The following ATG2B variants were observed in gnomAD, a reference collection of about 807,000 sequenced individuals.
ATG2B encodes the protein autophagy-related protein 2 homolog B.
Under a neutral mutation model 241.3 loss-of-function variants are expected in ATG2B, and 121 were observed. The observed-to-expected ratio is 0.50, with a 90% CI of 0.43 to 0.58. The LOEUF (loss-of-function observed/expected upper bound fraction) is 0.58. Ranked by LOEUF, ATG2B falls within the 20% of genes least tolerant of loss-of-function variation. ATG2B has a pLI of 0.00. For synonymous variants in ATG2B, 858 were observed against 876.6 expected (o/e 0.98, Z 0.37); for missense variants, 2,306 against 2,491.6 (o/e 0.93, Z 1.59).
Position 96,285,947 on chromosome 14 carries a change from C to G in ATG2B, c.6045G>C (p.Ala2015=), listed in dbSNP as rs199700811. 1 of 1,613,884 alleles carries G rather than the reference C, an allele frequency of 6.2e-7. No individual in the cohort carries two copies. The highest frequency in any genetic ancestry group is 1.3e-5 in the African/African-American group (1 of 75,022). Residue 2015 remains alanine, a synonymous_variant, in exon 42 of 42, where the codon GCG becomes GCC. Transcript: ENST00000359933. The surrounding 1 kb of genome is among the most constrained non-coding windows in gnomAD (Gnocchi z 4.2). Reference sequence around the variant, plus strand: ...CCCCTCTGCTCTCGTGTTCTCGAGCCGCAGTTTCATAAATGGTCTGAGCCG... The same window carrying G: ...CCCCTCTGCTCTCGTGTTCTCGAGCGGCAGTTTCATAAATGGTCTGAGCCG... ...TDTAQTIYET[A]AREHESRGVT...
chr14:96,353,046 C>T (rs1449483510), intron 1 of ATG2B, among the ~76,000 whole-genome samples: 1 of 151,966 alleles, frequency 6.6e-6, no homozygotes, highest in Admixed American at 6.6e-5. Context: ...TTTGTACATA[C>T]CTTTTCTATG....
rs1339125187 is a variant in ATG2B, at chr14:96,306,832, T to A, written c.4388A>T (p.Gln1463Leu). 4 of 1,614,176 alleles carry A rather than the reference T, an allele frequency of 2.5e-6. No homozygotes were observed. In the Admixed American group the frequency reaches 6.7e-5, roughly 27 times the overall value. The change falls in exon 30 of 42, where the codon CAG (glutamine) becomes CTG (leucine). Residue 1463 changes from glutamine to leucine, a missense_variant. Gln to Leu is a moderately radical substitution (Grantham distance 113). Coordinates refer to ENST00000359933, the MANE Select transcript of ATG2B (RefSeq NM_018036.7). Reference sequence around the variant, plus strand: ...TGAGGCATAGGTGGGGCCGGACTCCTGGGATACATTCCCACTCTCGTCAGG... The same window carrying A: ...TGAGGCATAGGTGGGGCCGGACTCCAGGGATACATTCCCACTCTCGTCAGG... ...LFPDESGNVSQESGPTYASFS... is the reference protein window; with the variant it reads ...LFPDESGNVSLESGPTYASFS...
Position 96,328,747 on chromosome 14 carries a change from T to C in ATG2B, c.1901A>G (p.Lys634Arg), listed in dbSNP as rs898575583. ...HYTELLTFHS[K>R]EETGSHSPVC... Reference sequence around the variant, plus strand: ...AGGGGAATGGGAACCAGTTTCTTCTTTGGAATGGAACGTTAAAAGCTTAAA... The same window carrying C: ...AGGGGAATGGGAACCAGTTTCTTCTCTGGAATGGAACGTTAAAAGCTTAAA... The change falls in exon 13 of 42, where the codon AAA becomes AGA. Residue 634 changes from lysine (K) to arginine (R), a missense_variant. Lys to Arg is a conservative substitution (Grantham distance 26, BLOSUM62 2). Transcript: ENST00000359933. 2.9e-5 allele frequency: 46 copies of C among 1,611,120 alleles called. No individual in the cohort carries two copies. The highest frequency in any genetic ancestry group is 3.9e-5 in the Non-Finnish European group (46 of 1,178,700).
At chr14:96,351,227 T>A (rs578017495) in intron 1 of ATG2B, among the ~76,000 whole-genome samples, 98 of 152,330 alleles carry the variant, frequency 6.4e-4, no homozygotes, top group African/African-American at 2.4e-3. Flanking sequence ...TATAAGTATA[T>A]TCACCTATGG....
Position 96,280,036 on chromosome 14 carries a change from G to A in ATG2B, c.*5719C>T, listed in dbSNP as rs1886156433. ...TGTGGCCTGTGGTGCAGCATTTATAGAAAGAAATCTTCCAGGTGGTGCTAA... is the reference window on the plus strand; with the variant it reads ...TGTGGCCTGTGGTGCAGCATTTATAAAAAGAAATCTTCCAGGTGGTGCTAA... On this transcript the variant is annotated 3_prime_UTR_variant, in exon 42 of 42. Transcript: ENST00000359933. 6.6e-6 allele frequency: 1 copy of A among 152,260 alleles called. No homozygotes were observed. The highest frequency in any genetic ancestry group is 2.4e-5 in the African/African-American group (1 of 41,440). The allele number at this position is 152,260 out of a possible 1,614,324, so 9.4% of individuals were successfully genotyped here.
chr14:96,304,999 C>T (rs747868168), intron 31 of ATG2B, among the ~76,000 whole-genome samples: 27 of 152,102 alleles, frequency 1.8e-4, no homozygotes, highest in African/African-American at 2.7e-4. Flanking sequence ...TAAAGTTGGA[C>T]GTGTTTTAAA....
intron 23 of ATG2B, 28 bp from the exon 24 acceptor site, chr14:96,313,463 T>C (rs1021041559): frequency 5.5e-6 from 7 of 1,278,562 alleles, no homozygotes; most frequent in Non-Finnish European, 7.6e-6. Context: ...TAAAACGCCC[T>C]GCTTTAGAAG....
At chr14:96,300,132 A>G (rs1167424209) in intron 34 of ATG2B, among the ~76,000 whole-genome samples, 1 of 152,160 alleles carries the variant, frequency 6.6e-6, no homozygotes, top group Non-Finnish European at 1.5e-5. Flanking sequence ...TATTTCCCTG[A>G]TGGTTCTAAG....
chr14:96,317,161 A>T lies in ATG2B; in HGVS notation c.3194T>A (p.Val1065Glu). ...AAACCTCACCTTCACATCTGTGAACACTGCTATTAATCCATGATTAATATT... is the reference window on the plus strand; with the variant it reads ...AAACCTCACCTTCACATCTGTGAACTCTGCTATTAATCCATGATTAATATT... ...LLNINHGLIAVFTDVKQDNGD... is the reference protein window; with the variant it reads ...LLNINHGLIAEFTDVKQDNGD... The change falls in exon 20 of 42, where the codon GTG becomes GAG. Residue 1065 changes from valine to glutamate, a missense_variant. By Grantham distance (121) the Val-to-Glu change is moderately radical. Transcript: ENST00000359933. The T allele has an allele frequency of 6.2e-7, 1 of 1,611,386 alleles. No homozygotes were observed. Among genetic ancestry groups the T allele is most frequent in the Non-Finnish European group, 8.5e-7 (1 of 1,178,870 alleles).
chr14:96,289,341 G>A lies in ATG2B; in HGVS notation c.6006+315C>T, dbSNP rs1278816351. The A allele has an allele frequency of 1.5e-5, 3 of 204,424 alleles. No individual in the cohort carries two copies. The highest frequency in any genetic ancestry group is 2.3e-5 in the African/African-American group (1 of 43,362). 12.7% of individuals were successfully genotyped at this position (204,424 alleles called of 1,614,324 possible). A position where few individuals can be genotyped will look rare whatever the true frequency, so the allele number is the denominator to read the frequency against. ...TTCTTAAGCAAATCTGAGGTAAGCAGGGCAGAGTATAAATGTGTTAAACCT... is the reference window on the plus strand; with the variant it reads ...TTCTTAAGCAAATCTGAGGTAAGCAAGGCAGAGTATAAATGTGTTAAACCT... On this transcript the variant is annotated intron_variant, in intron 41 of 41. Transcript: ENST00000359933. The surrounding 1 kb of genome is among the most constrained non-coding windows in gnomAD (Gnocchi z 4.3).
chr14:96,306,817 GT>G lies in ATG2B; in HGVS notation c.4402del (p.Thr1468ProfsTer14). 1 of 1,614,086 alleles carries G rather than the reference GT, an allele frequency of 6.2e-7. No homozygotes were observed. Among genetic ancestry groups the G allele is most frequent in the Non-Finnish European group, 8.5e-7 (1 of 1,180,010 alleles). On this transcript the variant is annotated frameshift_variant, in exon 30 of 42. Transcript: ENST00000359933. LOFTEE classifies it high-confidence loss of function. ...GAAATGGTGAGAGAATGAGGCATAG[GT>G]GGGGCCGGACTCCTGGGATACATTC... ...SGNVSQESGP[T>X]YASFSHHFIS...
chr14:96,353,701 G>T (rs1888396822), intron 1 of ATG2B, among the ~76,000 whole-genome samples: 1 of 151,042 alleles, frequency 6.6e-6, no homozygotes, highest in African/African-American at 2.4e-5. Flanking sequence ...GAAAATATTT[G>T]CTTAATGCAA....
At chr14:96,345,646 A>G (rs565513073) in intron 2 of ATG2B, among the ~76,000 whole-genome samples, 7 of 152,280 alleles carry the variant, frequency 4.6e-5, no homozygotes, top group Admixed American at 2.0e-4. Context: ...CCAAATATCA[A>G]TTCATGTATT....
intron 6 of ATG2B, among the ~76,000 whole-genome samples, chr14:96,336,088 G>T (rs982800467): frequency 1.3e-5 from 2 of 150,828 alleles, no homozygotes; most frequent in Non-Finnish European, 2.9e-5. Context: ...TAAAAACATA[G>T]GCTAAAACTG....
chr14:96,290,509 C>T lies in ATG2B; in HGVS notation c.5783G>A (p.Gly1928Asp). 6.2e-7 allele frequency: 1 copy of T among 1,614,198 alleles called. No individual in the cohort carries two copies. Among genetic ancestry groups the T allele is most frequent in the Non-Finnish European group, 8.5e-7 (1 of 1,180,038 alleles). The change falls in exon 40 of 42, where the codon GGC (glycine) becomes GAC (aspartate). Residue 1928 changes from glycine to aspartate, a missense_variant. This residue lies in a region of ATG2B where 379 missense variants were observed against 480.4 expected (regional missense o/e 0.79). Transcript: ENST00000359933. This position sits in a 1 kb window ranked among gnomAD's most constrained non-coding sequence, Gnocchi z 4.4. Reference sequence around the variant, plus strand: ...TGTCGAGGTACCAAAGGAAGCAGCGCCTCTCTGAAACCCTCTGACAATGCG... The same window carrying T: ...TGTCGAGGTACCAAAGGAAGCAGCGTCTCTCTGAAACCCTCTGACAATGCG... ...DGRIVRGFQR[G>D]AASFGTSTAM...
Position 96,285,498 on chromosome 14 carries a change from G to T in ATG2B, c.*257C>A. On this transcript the variant is annotated 3_prime_UTR_variant, in exon 42 of 42. Transcript: ENST00000359933. This position sits in a 1 kb window ranked among gnomAD's most constrained non-coding sequence, Gnocchi z 4.2. Reference sequence around the variant, plus strand: ...ATTACAGTCATCTTAACAAAAGTGAGCCTTCCACTAACTTGGCAGCAAATG... The same window carrying T: ...ATTACAGTCATCTTAACAAAAGTGATCCTTCCACTAACTTGGCAGCAAATG... The T allele has an allele frequency of 2.0e-6, 1 of 493,116 alleles. No individual in the cohort carries two copies. The highest frequency in any genetic ancestry group is 2.5e-5 in the South Asian group (1 of 40,812). 30.5% of individuals were successfully genotyped at this position (493,116 alleles called of 1,614,324 possible).
chr14:96,287,340 A>G (rs1046153539), intron 41 of ATG2B, among the ~76,000 whole-genome samples: 6 of 151,886 alleles, frequency 4.0e-5, no homozygotes, highest in Admixed American at 1.3e-4. Context: ...ATAACAGCCA[A>G]TAAGAGAAAC....
chr14:96,312,286 T>G, intron 25 of ATG2B, 127 bp from the exon 26 acceptor site: 1 of 649,152 alleles, frequency 1.5e-6, no homozygotes, highest in Non-Finnish European at 2.7e-6. Flanking sequence ...AAGCAGTTTC[T>G]AACTTATAAC....
chr14:96,308,253 CACACATATATAT>C (rs1369470737), intron 29 of ATG2B, among the ~76,000 whole-genome samples: 599 of 36,398 alleles, frequency 0.016, 47 homozygotes, highest in Non-Finnish European at 0.021. Flanking sequence ...TATATATATA[CACACATATATAT>C]ATATATATAT....
Sources: gnomAD v4.1 joint callset for allele counts (sites outside exome capture counted in the v4.1 genomes callset) on GRCh38, gnomAD v4.1.1 for gene constraint, gnomAD v4.1.1 regional missense constraint, Gnocchi (gnomAD v3.1) non-coding constraint, MANE v1.5 for transcripts, NCBI Gene and HGNC (gene_info 2026-07-23, HGNC 2026-07-21) for gene names.